Variants in SNX24 observed in about 807,000 individuals in gnomAD.
The protein encoded by SNX24 is sorting nexin-24.
Under a neutral mutation model 28.7 loss-of-function variants are expected in SNX24, and 22 were observed. The observed-to-expected ratio is 0.77, with a 90% CI of 0.55 to 1.10. The LOEUF (loss-of-function observed/expected upper bound fraction) is 1.10, where lower values mean the gene tolerates loss of function less well. Among genes scored for constraint, SNX24 ranks in the 50% least tolerant of loss-of-function variants. The pLI is 0.00. For missense variants in SNX24, 221 were observed against 201.1 expected, an observed-to-expected ratio of 1.10 and a Z score of -0.60; for synonymous variants, 69 against 71.5, an observed-to-expected ratio of 0.96 and a Z score of 0.18.
intron 1 of SNX24, among the ~76,000 whole-genome samples, chr5:122,922,061 T>C (rs1758456197): frequency 6.6e-6 from 1 of 152,228 alleles, no homozygotes; most frequent in African/African-American, 2.4e-5. Flanking sequence ...TGATTCATGC[T>C]GAGGCCCGAC....
intron 2 of SNX24, among the ~76,000 whole-genome samples, chr5:122,939,978 A>G (rs1759367671): frequency 6.8e-6 from 1 of 146,688 alleles, no homozygotes; most frequent in African/African-American, 2.6e-5. Context: ...ACACTACTTA[A>G]TTTTTCATTT....
At chr5:122,907,380 G>A (rs941717827) in intron 1 of SNX24, among the ~76,000 whole-genome samples, 3 of 152,082 alleles carry the variant, frequency 2.0e-5, no homozygotes, top group Admixed American at 1.3e-4. Context: ...TTGTAATATG[G>A]GGGAACACTC....
intron 1 of SNX24, among the ~76,000 whole-genome samples, chr5:122,908,160 G>A (rs1757728800): frequency 6.6e-6 from 1 of 152,184 alleles, no homozygotes; most frequent in Non-Finnish European, 1.5e-5. Context: ...TCTTGTGTAC[G>A]GGGAGCAAAA....
At chr5:122,979,752 C>T (rs1460519399) in intron 3 of SNX24, among the ~76,000 whole-genome samples, 1 of 152,166 alleles carries the variant, frequency 6.6e-6, no homozygotes, top group East Asian at 1.9e-4. Context: ...TCTTTAGATA[C>T]ACCACATAAT....
At chr5:122,903,432 G>T (rs1008669737) in intron 1 of SNX24, among the ~76,000 whole-genome samples, 1 of 152,110 alleles carries the variant, frequency 6.6e-6, no homozygotes, top group Non-Finnish European at 1.5e-5. Flanking sequence ...CACTTTTAAT[G>T]TACCCTGTTT....
chr5:123,015,048 G>A (rs2150185537), intron 5 of SNX24, among the ~76,000 whole-genome samples: 1 of 152,292 alleles, frequency 6.6e-6, no homozygotes, highest in South Asian at 2.1e-4. Context: ...GCTTCCTTCA[G>A]AGCTGCTATC....
At chr5:122,944,741 A>C (rs1167589642) in intron 2 of SNX24, among the ~76,000 whole-genome samples, 1 of 152,224 alleles carries the variant, frequency 6.6e-6, no homozygotes, top group Admixed American at 6.5e-5. Context: ...GTGATGTACA[A>C]CAAATTTCAG....
At chr5:122,929,600 C>T (rs968159622) in intron 1 of SNX24, among the ~76,000 whole-genome samples, 2 of 152,102 alleles carry the variant, frequency 1.3e-5, no homozygotes, top group Non-Finnish European at 2.9e-5. Flanking sequence ...TGCACCTTTA[C>T]ATTGTATATA....
At chr5:122,876,192 G>T (rs1442930647) in intron 1 of SNX24, among the ~76,000 whole-genome samples, 2 of 152,214 alleles carry the variant, frequency 1.3e-5, no homozygotes, top group Non-Finnish European at 2.9e-5. Context: ...TGGGTAGGCA[G>T]TAGGTTTTTG....
chr5:122,993,871 G>A (rs1204571323), intron 3 of SNX24, among the ~76,000 whole-genome samples: 1 of 152,178 alleles, frequency 6.6e-6, no homozygotes, highest in Non-Finnish European at 1.5e-5. Flanking sequence ...AAAAGCTTCA[G>A]TGGTGAACTT....
chr5:122,862,928 A>AT (rs1276720595), intron 1 of SNX24, among the ~76,000 whole-genome samples: 2 of 152,160 alleles, frequency 1.3e-5, no homozygotes, highest in Non-Finnish European at 2.9e-5. Flanking sequence ...TATAAAGTTC[A>AT]TTGTAGCATT....
chr5:122,967,823 C>T (rs1016293920), intron 3 of SNX24, among the ~76,000 whole-genome samples: 1 of 152,180 alleles, frequency 6.6e-6, no homozygotes, highest in Non-Finnish European at 1.5e-5. Context: ...TGGGAAACCA[C>T]CGGTTGAAGA....
chr5:122,905,865 A>G (rs1757626331), intron 1 of SNX24, among the ~76,000 whole-genome samples: 1 of 152,228 alleles, frequency 6.6e-6, no homozygotes, highest in African/African-American at 2.4e-5. Flanking sequence ...GGTTGAACTC[A>G]GTCCTTCAAG....
At chr5:122,943,197 GT>G (rs1759535943) in intron 2 of SNX24, among the ~76,000 whole-genome samples, 1 of 152,032 alleles carries the variant, frequency 6.6e-6, no homozygotes, top group Admixed American at 6.6e-5. Flanking sequence ...TGCATTATCA[GT>G]TTCCCCCTCA....
At chr5:122,999,310 C>G (rs181885556) in intron 3 of SNX24, among the ~76,000 whole-genome samples, 3 of 152,206 alleles carry the variant, frequency 2.0e-5, no homozygotes, top group Non-Finnish European at 2.9e-5. Context: ...GTTACTGACC[C>G]TTTAAGTGGA....
chr5:122,981,278 C>T (rs1470739733), intron 3 of SNX24, among the ~76,000 whole-genome samples: 2 of 152,196 alleles, frequency 1.3e-5, no homozygotes. Context: ...CAACACCCTA[C>T]ACTGAGTATT....
chr5:122,856,705 G>A (rs543378301), intron 1 of SNX24, among the ~76,000 whole-genome samples: 1 of 151,646 alleles, frequency 6.6e-6, no homozygotes, highest in East Asian at 2.0e-4. Context: ...TAGTAGAGAT[G>A]GGGTTTCACC....
chr5:123,022,015 C>A (rs1360341559), intron 5 of SNX24, among the ~76,000 whole-genome samples: 1 of 152,146 alleles, frequency 6.6e-6, no homozygotes, highest in African/African-American at 2.4e-5. Context: ...ATGCTTCTCT[C>A]CCGGCCTCTC....
intron 3 of SNX24, among the ~76,000 whole-genome samples, chr5:122,965,271 AC>A (rs1195388436): frequency 4.6e-5 from 7 of 152,196 alleles, no homozygotes; most frequent in African/African-American, 1.7e-4. Context: ...TTGCCCTCTC[AC>A]ACAGACTCTC....
Sources: allele counts gnomAD v4.1 joint callset (sites outside exome capture counted in the v4.1 genomes callset), GRCh38; gene constraint gnomAD v4.1.1; transcripts MANE v1.5; gene names NCBI Gene and HGNC (gene_info 2026-07-23, HGNC 2026-07-21).